The following HSD17B14 variants were observed in gnomAD, a reference collection of about 807,000 sequenced individuals.
HSD17B14 encodes the protein L-fucose dehydrogenase.
Under a neutral mutation model 32.2 loss-of-function variants are expected in HSD17B14, and 32 were observed. The observed-to-expected ratio is 0.99, with a 90% confidence interval of 0.75 to 1.33. HSD17B14 has a LOEUF of 1.33. Among genes scored for constraint, HSD17B14 ranks in the 40% most tolerant of loss-of-function variants. The pLI is 0.00. For missense variants in HSD17B14, 370 were observed against 366.5 expected, an observed-to-expected ratio of 1.01 and a Z score of -0.08; for synonymous variants, 140 against 155.4, an observed-to-expected ratio of 0.90 and a Z score of 0.74.
In HSD17B14 at chr19:48,813,636, G is replaced by A. The variant is rs374514062; in HGVS notation, c.542+27C>T. On this transcript the variant is annotated intron_variant, in intron 7 of 8. Transcript: ENST00000263278. ...CCAGTCACCCCAGTCCCCCCAGGAG[G>A]CTCTCCGCCTGCTCAGAGCAGCTCA... is the stretch of plus-strand genomic sequence containing the variant. 111 of 1,613,816 alleles carry A rather than the reference G, an allele frequency of 6.9e-5. 1 individual carries two copies. The East Asian group carries it at 1.4e-3, about 20-fold the overall frequency.
chr19:48,834,368 G>C lies in HSD17B14; in HGVS notation c.128-10C>G, dbSNP rs756141333. On this transcript the variant is annotated splice_polypyrimidine_tract_variant and intron_variant, in intron 2 of 8. Coordinates refer to ENST00000263278, the MANE Select transcript of HSD17B14 (RefSeq NM_016246.3). ...GCCCGGCCCCCAGACTCTGCAGGGA[G>C]AGAAGAGCTGGGAGCCTGGACCCCT... The C allele has an allele frequency of 1.0e-5, 16 of 1,606,978 alleles. No individual in the cohort carries two copies. The Admixed American group carries it at 2.7e-4, about 27-fold the overall frequency.
At chr19:48,816,022 G>GA (rs71179053) in intron 5 of HSD17B14, among the ~76,000 whole-genome samples, 18,307 of 74,126 alleles carry the variant, frequency 0.25, 1,718 homozygotes, top group Admixed American at 0.3. Context: ...CTCCGTTTCA[G>GA]AAAAAAAAAA....
intron 5 of HSD17B14, among the ~76,000 whole-genome samples, chr19:48,825,935 C>T (rs541793436): frequency 6.6e-6 from 1 of 152,278 alleles, no homozygotes; most frequent in South Asian, 2.1e-4. Context: ...ATTCTCCCAC[C>T]TCAGCCTCCC....
At chr19:48,830,459 A>C (rs888885629) in intron 5 of HSD17B14, among the ~76,000 whole-genome samples, 5 of 145,500 alleles carry the variant, frequency 3.4e-5, no homozygotes, top group Non-Finnish European at 6.2e-5. Flanking sequence ...AGATTGTTTT[A>C]ACTAGACTCC....
In HSD17B14 at chr19:48,815,733, C is replaced by T. The variant is rs189139790; in HGVS notation, c.370-592G>A. On this transcript the variant is annotated intron_variant, in intron 5 of 8. Coordinates refer to ENST00000263278, the MANE Select transcript of HSD17B14 (RefSeq NM_016246.3). ...GTTTCTATGAGGCCTTCATGAAAGG[C>T]ACTCTAGACCAGGCACAGTGTCTCA... 2.5e-3 allele frequency among the ~76,000 whole-genome samples: 382 copies of T among 152,078 alleles called. 3 individuals carry two copies. Among genetic ancestry groups the T allele is most frequent in the African/African-American group, 8.9e-3 (368 of 41,512 alleles).
In HSD17B14 at chr19:48,813,820, G is replaced by A. The variant is rs997911792; in HGVS notation, c.475-90C>T. Reference sequence around the variant, plus strand: ...TCTCCTGCCAGCCAGGGGGGCATCAGAATGGGGAAGTCATGCCCTCCTTGA... The same window carrying A: ...TCTCCTGCCAGCCAGGGGGGCATCAAAATGGGGAAGTCATGCCCTCCTTGA... On this transcript the variant is annotated intron_variant, in intron 6 of 8. Transcript: ENST00000263278. The A allele has an allele frequency of 3.5e-6, 5 of 1,413,928 alleles. No homozygotes were observed. In the African/African-American group the frequency reaches 7.1e-5, roughly 20 times the overall value. 87.6% of individuals were successfully genotyped at this position (1,413,928 alleles called of 1,614,324 possible).
Position 48,836,394 on chromosome 19 carries a change from G to C in HSD17B14, c.18C>G (p.Arg6=). MATGT[R]YAGKVVVVTG... is the part of the protein sequence containing the mutation. ...TCACGACCACCACCTTCCCGGCATA[G>C]CGCGTTCCCGTAGCCATCCCGTGTA... Residue 6 remains arginine (R), a synonymous_variant, in exon 1 of 9, where the codon CGC becomes CGG. Coordinates refer to ENST00000263278, the MANE Select transcript of HSD17B14 (RefSeq NM_016246.3). 6.2e-7 allele frequency: 1 copy of C among 1,613,710 alleles called. No homozygotes were observed. Among genetic ancestry groups the C allele is most frequent in the Non-Finnish European group, 8.5e-7 (1 of 1,179,990 alleles).
intron 5 of HSD17B14, among the ~76,000 whole-genome samples, chr19:48,822,650 TGTGGTAATGATG>T (rs1461058481): frequency 7.5e-4 from 101 of 135,190 alleles, no homozygotes; most frequent in Non-Finnish European, 1.5e-3. Context: ...TGATGATGAT[TGTGGTAATGATG>T]GTGATGATGA....
chr19:48,826,116 A>G (rs1358105382), intron 5 of HSD17B14, among the ~76,000 whole-genome samples: 3 of 151,920 alleles, frequency 2.0e-5, no homozygotes, highest in Non-Finnish European at 2.9e-5. Context: ...CACCGTGCCC[A>G]GCCCAACTTG....
chr19:48,830,245 GA>G (rs2035314787), intron 5 of HSD17B14, among the ~76,000 whole-genome samples: 1 of 152,076 alleles, frequency 6.6e-6, no homozygotes, highest in Non-Finnish European at 1.5e-5. Context: ...TTACTGATAA[GA>G]TACTGTGGCA....
intron 5 of HSD17B14, among the ~76,000 whole-genome samples, chr19:48,817,824 C>G (rs2035081861): frequency 6.6e-6 from 1 of 152,202 alleles, no homozygotes; most frequent in Admixed American, 6.5e-5. Flanking sequence ...CATTTCATCC[C>G]TCTAACATTC....
At chr19:48,830,026 T>C (rs1568523457) in intron 5 of HSD17B14, among the ~76,000 whole-genome samples, 1 of 152,034 alleles carries the variant, frequency 6.6e-6, no homozygotes, top group Non-Finnish European at 1.5e-5. Context: ...TGGAGTGCAG[T>C]TGCACGATCT....
intron 3 of HSD17B14, among the ~76,000 whole-genome samples, chr19:48,833,896 A>G (rs1253393038): frequency 6.6e-6 from 1 of 152,026 alleles, no homozygotes; most frequent in African/African-American, 2.4e-5. Context: ...AGGCTGAGAT[A>G]GGAGAATGGC....
chr19:48,826,542 T>TACACACACACAC (rs374655614), intron 5 of HSD17B14, among the ~76,000 whole-genome samples: 1 of 80,110 alleles, frequency 1.2e-5, no homozygotes, highest in African/African-American at 5.2e-5. Context: ...TATATATATA[T>TACACACACACAC]ACACACACAC....
chr19:48,813,801 G>T, intron 6 of HSD17B14, 71 bp from the exon 7 acceptor site: 2 of 1,540,896 alleles, frequency 1.3e-6, no homozygotes, highest in Non-Finnish European at 1.8e-6. Flanking sequence ...ATTGTCTCCT[G>T]CCAGCCAGGG....
At chr19:48,833,575 C>A (rs368143403) in intron 3 of HSD17B14, among the ~76,000 whole-genome samples, 31 of 151,982 alleles carry the variant, frequency 2.0e-4, no homozygotes, top group African/African-American at 6.7e-4. Flanking sequence ...GCTTGTAATC[C>A]CAGCACTTTG....
chr19:48,830,669 G>A (rs2035322151), intron 5 of HSD17B14, among the ~76,000 whole-genome samples: 1 of 151,580 alleles, frequency 6.6e-6, no homozygotes, highest in Non-Finnish European at 1.5e-5. Flanking sequence ...TACCTGAGGC[G>A]CACCACCATG....
intron 5 of HSD17B14, among the ~76,000 whole-genome samples, chr19:48,823,479 T>C (rs911575905): frequency 2.0e-5 from 3 of 152,048 alleles, no homozygotes; most frequent in Non-Finnish European, 4.4e-5. Context: ...TGAACTGTCA[T>C]TGTGTCGTAA....
chr19:48,826,542 T>TATATATATATATACACACACACACAC, intron 5 of HSD17B14, among the ~76,000 whole-genome samples: 1 of 80,110 alleles, frequency 1.2e-5, no homozygotes, highest in African/African-American at 5.2e-5. Context: ...TATATATATA[T>TATATATATATATACACACACACACAC]ACACACACAC....
Sources: gnomAD v4.1 joint callset for allele counts (sites outside exome capture counted in the v4.1 genomes callset) on GRCh38, gnomAD v4.1.1 for gene constraint, MANE v1.5 for transcripts, NCBI Gene and HGNC (gene_info 2026-07-23, HGNC 2026-07-21) for gene names.